Variants in AUTS2 observed in about 807,000 individuals in gnomAD.
AUTS2 encodes activator of transcription and developmental regulator AUTS2.
In AUTS2, 17 loss-of-function variants were observed where a neutral mutation model predicts 112.4. The ratio of observed to expected loss-of-function variants is 0.15; its 90% confidence interval spans 0.10 to 0.23. The LOEUF (loss-of-function observed/expected upper bound fraction) is 0.23, where lower values mean the gene tolerates loss of function less well. Ranked by LOEUF, AUTS2 falls within the 10% of genes least tolerant of loss-of-function variation. AUTS2 has a pLI of 1.00. For missense variants in AUTS2, 1,510 were observed against 1,701.6 expected (o/e 0.89, Z 1.98); for synonymous variants, 751 against 702.7 (o/e 1.07, Z -1.09).
At chr7:70,756,917 GGT>G (rs1789247178) in intron 6 of AUTS2, among the ~76,000 whole-genome samples, 1 of 152,198 alleles carries the variant, frequency 6.6e-6, no homozygotes, top group African/African-American at 2.4e-5. Context: ...ACAAATGTCG[GGT>G]GGAATTTAGG....
chr7:69,603,171 G>T (rs1023516388), intron 1 of AUTS2, among the ~76,000 whole-genome samples: 2 of 152,220 alleles, frequency 1.3e-5, no homozygotes, highest in Non-Finnish European at 2.9e-5. Context: ...ATTGTGAAAA[G>T]AAACCAGAAA....
intron 4 of AUTS2, among the ~76,000 whole-genome samples, chr7:70,266,812 G>A (rs1473166400): frequency 6.6e-6 from 1 of 152,176 alleles, no homozygotes; most frequent in Non-Finnish European, 1.5e-5. Flanking sequence ...CTTTCCTAGT[G>A]TGAATTTATC....
intron 5 of AUTS2, among the ~76,000 whole-genome samples, chr7:70,440,714 C>T (rs62455217): frequency 0.039 from 5,980 of 152,268 alleles, 217 homozygotes; most frequent in Non-Finnish European, 0.051. Flanking sequence ...CTTATCCAAA[C>T]ATCAGGCCTT....
chr7:69,886,426 GCC>G (rs1271891440), intron 1 of AUTS2, among the ~76,000 whole-genome samples: 1 of 152,154 alleles, frequency 6.6e-6, no homozygotes, highest in Non-Finnish European at 1.5e-5. Context: ...TAAAAGGACT[GCC>G]TCACATATAT....
intron 5 of AUTS2, among the ~76,000 whole-genome samples, chr7:70,467,447 C>A (rs1306208367): frequency 6.6e-6 from 1 of 152,190 alleles, no homozygotes; most frequent in South Asian, 2.1e-4. Context: ...AAATCTGACC[C>A]AGCAGGCAGA....
At chr7:70,406,472 C>T (rs1201577161) in intron 4 of AUTS2, among the ~76,000 whole-genome samples, 4 of 152,300 alleles carry the variant, frequency 2.6e-5, no homozygotes, top group Non-Finnish European at 4.4e-5. Flanking sequence ...AGCTGCCCCG[C>T]GGCACCATCT....
chr7:70,258,124 G>T (rs1786977767), intron 4 of AUTS2, among the ~76,000 whole-genome samples: 1 of 152,222 alleles, frequency 6.6e-6, no homozygotes, highest in Admixed American at 6.5e-5. Context: ...GATTGTTTAT[G>T]GCAGGGCTGT....
chr7:69,997,770 A>T (rs1243929378), intron 2 of AUTS2, among the ~76,000 whole-genome samples: 1 of 152,156 alleles, frequency 6.6e-6, no homozygotes, highest in Admixed American at 6.5e-5. Context: ...CATGGCCCAA[A>T]CACCTCCCTA....
At chr7:69,947,742 A>G (rs1280274976) in intron 2 of AUTS2, among the ~76,000 whole-genome samples, 3 of 152,222 alleles carry the variant, frequency 2.0e-5, no homozygotes, top group Non-Finnish European at 4.4e-5. Context: ...CTTGCTCCAC[A>G]AAGACAAAAC....
intron 2 of AUTS2, among the ~76,000 whole-genome samples, chr7:69,948,818 ATTTT>A (rs1284659897): frequency 3.5e-5 from 5 of 143,332 alleles, no homozygotes; most frequent in Non-Finnish European, 7.7e-5. Context: ...TTATTTATTT[ATTTT>A]GAGACAGAGT....
chr7:69,682,155 C>T (rs963196206), intron 1 of AUTS2, among the ~76,000 whole-genome samples: 2 of 152,126 alleles, frequency 1.3e-5, no homozygotes, highest in Admixed American at 6.6e-5. Context: ...GGTCATCTTC[C>T]ATTTTGGTCA....
chr7:70,545,307 G>T (rs1380605349), intron 5 of AUTS2, among the ~76,000 whole-genome samples: 1 of 152,144 alleles, frequency 6.6e-6, no homozygotes, highest in Non-Finnish European at 1.5e-5. Flanking sequence ...CAAAGCAGCT[G>T]GGCTGCGGGC....
chr7:70,587,500 G>A (rs1182648606), intron 5 of AUTS2, among the ~76,000 whole-genome samples: 4 of 152,198 alleles, frequency 2.6e-5, no homozygotes, highest in African/African-American at 9.7e-5. Context: ...TGGCAACTAG[G>A]TGACTGATCT....
At chr7:70,077,175 G>A (rs550159742) in intron 2 of AUTS2, among the ~76,000 whole-genome samples, 2 of 152,302 alleles carry the variant, frequency 1.3e-5, no homozygotes, top group South Asian at 4.1e-4. Context: ...GAGGGTTTAA[G>A]TCACTGGCAA....
chr7:69,840,616 G>A (rs1422406339), intron 1 of AUTS2, among the ~76,000 whole-genome samples: 1 of 152,184 alleles, frequency 6.6e-6, no homozygotes, highest in Non-Finnish European at 1.5e-5. Flanking sequence ...TACTGCAACT[G>A]AGTGTAAAAC....
chr7:70,767,913 T>C, intron 9 of AUTS2, 111 bp from the exon 10 acceptor site: 1 of 981,270 alleles, frequency 1.0e-6, no homozygotes, highest in Non-Finnish European at 1.6e-6. Context: ...AATGAGGTTA[T>C]GGGGTCTCAT....
At chr7:70,168,917 GTTAGGTAA>G (rs1364881617) in intron 4 of AUTS2, among the ~76,000 whole-genome samples, 1 of 151,840 alleles carries the variant, frequency 6.6e-6, no homozygotes, top group African/African-American at 2.4e-5. Flanking sequence ...CCTCTTTATT[GTTAGGTAA>G]CCCAGAATGC....
chr7:70,692,724 A>G (rs1372453082), intron 5 of AUTS2, among the ~76,000 whole-genome samples: 1 of 151,136 alleles, frequency 6.6e-6, no homozygotes, highest in African/African-American at 2.4e-5. Flanking sequence ...CTTAGAGGCT[A>G]GAGGAGGGGG....
At position 70,764,894 on chromosome 7, in the gene AUTS2, C is replaced by A. The variant is rs1336598533; in HGVS notation, c.1357C>A (p.His453Asn). The A allele has an allele frequency of 6.2e-7, 1 of 1,606,914 alleles. No homozygotes were observed. The highest frequency in any genetic ancestry group is 8.5e-7 in the Non-Finnish European group (1 of 1,177,586). ...CACACCCACCCTCCAGCCCCCCGCA[C>A]ACTCACATCACCCCAATATGTTTGC... Reference protein sequence around the residue: ...SFTPTLQPPAHSHHPNMFAPP... With the variant: ...SFTPTLQPPANSHHPNMFAPP... Residue 453 changes from histidine (H) to asparagine (N), a missense_variant, in exon 8 of 19, where the codon CAC becomes AAC. By Grantham distance (68) the His-to-Asn change is moderately conservative (BLOSUM62 1). Coordinates refer to ENST00000342771, the MANE Select transcript of AUTS2 (RefSeq NM_015570.4).
Sources: allele counts gnomAD v4.1 joint callset (sites outside exome capture counted in the v4.1 genomes callset), GRCh38; gene constraint gnomAD v4.1.1; transcripts MANE v1.5; gene names NCBI Gene and HGNC (gene_info 2026-07-23, HGNC 2026-07-21).